TENM2: variants seen among roughly 807,000 people sequenced by gnomAD.
TENM2 encodes the protein teneurin transmembrane protein 2.
TENM2 carries 52 observed loss-of-function variants against 245.2 expected under a neutral mutation model. The ratio of observed to expected loss-of-function variants is 0.21; its 90% CI spans 0.17 to 0.27. TENM2 has a LOEUF of 0.27. Ranked by LOEUF, TENM2 falls within the 10% of genes least tolerant of loss-of-function variation. The probability of loss-of-function intolerance (pLI) is 1.00; values close to 1 mark genes in which losing one functional copy is unlikely to be tolerated. For missense variants in TENM2, 3,046 were observed against 3,666.8 expected (o/e 0.83, Z 4.37); for synonymous variants, 1,363 against 1,438.9 (o/e 0.95, Z 1.19).
At chr5:167,668,216 C>T (rs1459070) in intron 2 of TENM2, among the ~76,000 whole-genome samples, 2,189 of 152,198 alleles carry the variant, frequency 0.014, 48 homozygotes, top group African/African-American at 0.051. Context: ...TTCAAGGTCA[C>T]TGAAGAAAAT....
intron 25 of TENM2, among the ~76,000 whole-genome samples, chr5:168,241,854 T>A (rs1766131140): frequency 6.6e-6 from 1 of 152,224 alleles, no homozygotes; most frequent in Non-Finnish European, 1.5e-5. Context: ...TAACAGAGAT[T>A]AGCAATAGCA....
intron 2 of TENM2, among the ~76,000 whole-genome samples, chr5:167,585,491 GAAT>G (rs1257033623): frequency 6.6e-6 from 1 of 152,156 alleles, no homozygotes. Flanking sequence ...TGATGATGCA[GAAT>G]AAATATATAT....
intron 2 of TENM2, among the ~76,000 whole-genome samples, chr5:167,810,568 A>G (rs1766560125): frequency 6.6e-6 from 1 of 151,846 alleles, no homozygotes; most frequent in Admixed American, 6.6e-5. Context: ...ATTGCTCTCC[A>G]GGAATACTTC....
the TENM2 span, among the ~76,000 whole-genome samples, chr5:167,029,343 C>T: frequency 6.6e-6 from 1 of 152,132 alleles, no homozygotes; most frequent in Non-Finnish European, 1.5e-5. Context: ...TTTTCTTCAT[C>T]AAATGTAATA....
At chr5:167,669,988 A>C (rs1359838841) in intron 2 of TENM2, among the ~76,000 whole-genome samples, 1 of 152,120 alleles carries the variant, frequency 6.6e-6, no homozygotes, top group African/African-American at 2.4e-5. Context: ...CCCTAAATGC[A>C]ATCAGGTTTA....
At chr5:167,095,247 G>C in the TENM2 span, among the ~76,000 whole-genome samples, 1 of 152,208 alleles carries the variant, frequency 6.6e-6, no homozygotes, top group East Asian at 1.9e-4. Flanking sequence ...TAGTAATTTA[G>C]AGAGGCCATT....
chr5:167,384,703 C>CAT (rs1554142457), intron 2 of TENM2, among the ~76,000 whole-genome samples: 8 of 58,782 alleles, frequency 1.4e-4, no homozygotes, highest in African/African-American at 8.9e-4. Context: ...CACACGCGTG[C>CAT]GCGCACACAC....
chr5:167,379,981 G>A (rs945517608), intron 2 of TENM2, among the ~76,000 whole-genome samples: 1 of 147,808 alleles, frequency 6.8e-6, no homozygotes, highest in Non-Finnish European at 1.5e-5. Flanking sequence ...GGATGACATT[G>A]ATTTCAATTT....
chr5:167,425,094 C>G (rs79493081), intron 2 of TENM2, among the ~76,000 whole-genome samples: 13,711 of 152,170 alleles, frequency 0.09, 841 homozygotes, highest in Middle Eastern at 0.14. Flanking sequence ...GTTATAGTAC[C>G]TGCTTTGCAG....
intron 2 of TENM2, among the ~76,000 whole-genome samples, chr5:167,432,097 C>G (rs531417281): frequency 1.3e-5 from 2 of 151,094 alleles, no homozygotes; most frequent in African/African-American, 4.9e-5. Flanking sequence ...TAAAAACCCC[C>G]CTGGAAACAA....
chr5:167,210,039 A>C, the TENM2 span, among the ~76,000 whole-genome samples: 1 of 152,238 alleles, frequency 6.6e-6, no homozygotes, highest in African/African-American at 2.4e-5. Context: ...TGCTATAAAC[A>C]GGATAGATTC....
At chr5:167,690,920 AGTATGTGTGTGTGTGTGTGTGTGTGTGT>A (rs1163541196) in intron 2 of TENM2, among the ~76,000 whole-genome samples, 1 of 136,462 alleles carries the variant, frequency 7.3e-6, no homozygotes, top group East Asian at 2.0e-4. Context: ...CGTATATGCG[AGTATGTGTGTGTGTGTGTGTGTGTGTGT>A]GTGTGTGTGT....
intron 5 of TENM2, among the ~76,000 whole-genome samples, chr5:168,031,251 C>A (rs923576486): frequency 1.1e-4 from 17 of 152,212 alleles, no homozygotes; most frequent in African/African-American, 4.1e-4. Flanking sequence ...CTTTCCAGGT[C>A]TCCATAACCT....
chr5:167,421,705 A>G (rs1487161373), intron 2 of TENM2, among the ~76,000 whole-genome samples: 1 of 152,212 alleles, frequency 6.6e-6, no homozygotes, highest in Non-Finnish European at 1.5e-5. Flanking sequence ...GACAATAGGA[A>G]CATCTACTAC....
intron 7 of TENM2, among the ~76,000 whole-genome samples, chr5:168,076,450 T>C (rs1399837632): frequency 6.6e-6 from 1 of 152,050 alleles, no homozygotes; most frequent in East Asian, 1.9e-4. Context: ...GGTCTCGAAC[T>C]CCTGACCTCG....
intron 3 of TENM2, 72 bp from the exon 6 acceptor site, chr5:167,952,516 C>T (rs1371163455): frequency 2.3e-6 from 3 of 1,292,346 alleles, no homozygotes; most frequent in African/African-American, 1.5e-5. Context: ...TGAAACTCTC[C>T]TCCAGTGGTT....
chr5:167,431,961 GTA>G (rs112010521), intron 2 of TENM2, among the ~76,000 whole-genome samples: 488 of 43,556 alleles, frequency 0.011, 1 homozygote, highest in Non-Finnish European at 0.027. Flanking sequence ...ATATATATAT[GTA>G]TATATATATA....
chr5:167,718,808 C>T (rs972011779), intron 2 of TENM2, among the ~76,000 whole-genome samples: 6 of 151,482 alleles, frequency 4.0e-5, no homozygotes, highest in Non-Finnish European at 7.4e-5. Flanking sequence ...TTTACCGGTT[C>T]GGTGATCTCT....
rs1462450854 is a variant in TENM2, at chr5:167,669,338, TC to T, written c.503-206647del. Among the ~76,000 whole-genome samples, 7 of 148,006 alleles carry T rather than the reference TC, an allele frequency of 4.7e-5. No homozygotes were observed. In the Admixed American group the frequency reaches 4.8e-4, roughly 10 times the overall value. On this transcript the variant is annotated intron_variant, in intron 2 of 28. Coordinates refer to ENST00000518659, the Ensembl canonical transcript of TENM2. ...TAAGAAGTAAAAAATTAGAAAATGTTCATTTAATTGATTTGGTGTATATAGT... is the reference window on the plus strand; with the variant it reads ...TAAGAAGTAAAAAATTAGAAAATGTTATTTAATTGATTTGGTGTATATAGT...
Sources: gnomAD v4.1 joint callset for allele counts (sites outside exome capture counted in the v4.1 genomes callset) on GRCh38, gnomAD v4.1.1 for gene constraint, MANE v1.5 for transcripts, NCBI Gene and HGNC (gene_info 2026-07-23, HGNC 2026-07-21) for gene names.